TENM4: variants seen among roughly 807,000 people sequenced by gnomAD.
TENM4 encodes teneurin transmembrane protein 4, also known as teneurin-4.
In TENM4, 82 loss-of-function variants were observed where a neutral mutation model predicts 243.3. The ratio of observed to expected loss-of-function variants is 0.34; its 90% CI spans 0.28 to 0.40. TENM4 has a LOEUF of 0.40. TENM4 is among the 10% of genes least tolerant of loss of function. TENM4 has a pLI of 1.00. For missense variants in TENM4, 3,138 were observed against 3,673.3 expected (o/e 0.85, Z 3.77); for synonymous variants, 1,412 against 1,456.3 (o/e 0.97, Z 0.69).
At chr11:79,420,658 A>C (rs890016025) in intron 1 of TENM4, among the ~76,000 whole-genome samples, 1 of 152,056 alleles carries the variant, frequency 6.6e-6, no homozygotes, top group Non-Finnish European at 1.5e-5. Context: ...TATCAAACTT[A>C]TTTGGACACA....
At chr11:79,123,722 C>T (rs1194642809) in intron 4 of TENM4, among the ~76,000 whole-genome samples, 8 of 152,080 alleles carry the variant, frequency 5.3e-5, no homozygotes, top group African/African-American at 1.9e-4. Context: ...GCCCCATCCT[C>T]TCTCCTTCCT....
At chr11:78,705,256 G>A (rs369761861) in intron 27 of TENM4, among the ~76,000 whole-genome samples, 1 of 152,316 alleles carries the variant, frequency 6.6e-6, no homozygotes, top group African/African-American at 2.4e-5. Context: ...GTTCCTTGAT[G>A]GGAAGACTAG....
intron 7 of TENM4, among the ~76,000 whole-genome samples, chr11:78,894,248 C>G (rs1352982316): frequency 2.0e-5 from 3 of 152,178 alleles, no homozygotes; most frequent in South Asian, 4.1e-4. Context: ...CCCCCGGGAC[C>G]TGAGGCTGGC....
chr11:79,326,089 T>C (rs1856971173), intron 1 of TENM4, among the ~76,000 whole-genome samples: 1 of 152,206 alleles, frequency 6.6e-6, no homozygotes, highest in South Asian at 2.1e-4. Flanking sequence ...GAACATATTG[T>C]GGGGTAAGAG....
intron 2 of TENM4, among the ~76,000 whole-genome samples, chr11:79,236,806 C>T (rs1361317954): frequency 3.9e-5 from 6 of 152,136 alleles, no homozygotes; most frequent in South Asian, 2.1e-4. Flanking sequence ...TTGTAGAGGG[C>T]GGATGTTGTT....
intron 1 of TENM4, among the ~76,000 whole-genome samples, chr11:79,333,357 C>T (rs991777938): frequency 2.0e-5 from 3 of 152,182 alleles, no homozygotes; most frequent in South Asian, 4.1e-4. Flanking sequence ...TTGCCATCAT[C>T]TTCTTTTTTA....
chr11:78,704,383 G>C (rs1003583069), intron 27 of TENM4, among the ~76,000 whole-genome samples: 4 of 151,780 alleles, frequency 2.6e-5, no homozygotes, highest in African/African-American at 9.7e-5. Flanking sequence ...TCGTCTATAA[G>C]AGTGTTTTTA....
At chr11:78,954,522 C>T (rs571792256) in intron 6 of TENM4, among the ~76,000 whole-genome samples, 6 of 152,292 alleles carry the variant, frequency 3.9e-5, no homozygotes, top group African/African-American at 1.4e-4. Context: ...GTGTTTTCAC[C>T]ACCTATCAGT....
intron 1 of TENM4, among the ~76,000 whole-genome samples, chr11:79,405,824 T>C (rs929499350): frequency 4.0e-5 from 6 of 149,030 alleles, no homozygotes; most frequent in Non-Finnish European, 7.4e-5. Flanking sequence ...GTCCATCTAA[T>C]TTCTCTGAAT....
intron 6 of TENM4, among the ~76,000 whole-genome samples, chr11:78,988,664 C>T (rs1442799686): frequency 6.6e-6 from 1 of 152,136 alleles, no homozygotes; most frequent in Non-Finnish European, 1.5e-5. Flanking sequence ...TTGGTTTTCA[C>T]AATCCCCCCA....
chr11:79,394,092 C>T (rs777264430), intron 1 of TENM4, among the ~76,000 whole-genome samples: 39 of 152,176 alleles, frequency 2.6e-4, no homozygotes, highest in Non-Finnish European at 3.4e-4. Flanking sequence ...ACCTCACCTG[C>T]GGAAATGCCC....
rs370445962 is a variant in TENM4 at position 79,018,680 on chromosome 11, C to T, written c.493+46058G>A. Among the ~76,000 whole-genome samples, 24 of 152,270 alleles carry T rather than the reference C, an allele frequency of 1.6e-4. No homozygotes were observed. In the South Asian group the frequency reaches 2.3e-3, roughly 14 times the overall value. On this transcript the variant is annotated intron_variant, in intron 6 of 33. Coordinates refer to ENST00000278550, the MANE Select transcript of TENM4 (RefSeq NM_001098816.3). Reference sequence around the variant, plus strand: ...TTACTTCCCGGAGACCTCTCCCCCACGCTTATTTTCAGAATGGGTTTAATA... The same window carrying T: ...TTACTTCCCGGAGACCTCTCCCCCATGCTTATTTTCAGAATGGGTTTAATA...
At position 78,800,492 on chromosome 11, in the gene TENM4, G is replaced by A. The variant is rs632408; in HGVS notation, c.2179+4800C>T. Among the ~76,000 whole-genome samples, 690 of 152,274 alleles carry A rather than the reference G, an allele frequency of 4.5e-3. 1 individual carries two copies. The highest frequency in any genetic ancestry group is 8.1e-3 in the Non-Finnish European group (548 of 68,022). On this transcript the variant is annotated intron_variant, in intron 15 of 33. Coordinates refer to ENST00000278550, the MANE Select transcript of TENM4 (RefSeq NM_001098816.3). ...GAGTGGGAGGGAAGGGGTTTATGAG[G>A]AGGTGGGGAGGAGGTGGAGTCCTGA... is the stretch of plus-strand genomic sequence containing the variant.
intron 20 of TENM4, among the ~76,000 whole-genome samples, chr11:78,738,118 A>C (rs1189172164): frequency 6.6e-6 from 1 of 152,236 alleles, no homozygotes; most frequent in Non-Finnish European, 1.5e-5. Context: ...ACATAACAGG[A>C]ATGGCTGAGA....
chr11:79,081,531 GGTGGTGT>G (rs1485185828), intron 4 of TENM4, among the ~76,000 whole-genome samples: 1 of 121,044 alleles, frequency 8.3e-6, no homozygotes, highest in African/African-American at 3.4e-5. Flanking sequence ...TCCTGTCAGA[GGTGGTGT>G]GTGTGTGTGT....
At chr11:79,364,400 T>C (rs1857641618) in intron 1 of TENM4, among the ~76,000 whole-genome samples, 2 of 152,216 alleles carry the variant, frequency 1.3e-5, no homozygotes, top group Non-Finnish European at 2.9e-5. Flanking sequence ...TCTCACTATT[T>C]TTTCCCTGCC....
In TENM4 at chr11:79,302,759, C is replaced by T. The variant is rs1292795189; in HGVS notation, c.-320-5216G>A. Among the ~76,000 whole-genome samples, 3 of 152,178 alleles carry T rather than the reference C, an allele frequency of 2.0e-5. No homozygotes were observed. In the East Asian group the frequency reaches 5.8e-4, roughly 29 times the overall value. On this transcript the variant is annotated intron_variant, in intron 1 of 33. Transcript: ENST00000278550. ...ACTGAAATTGTATTTCCCCACTTTC[C>T]TATAGGGTCTCCAGGATGTAAGTCA... is the stretch of plus-strand genomic sequence containing the variant.
At chr11:79,396,652 T>C (rs557754452) in intron 1 of TENM4, among the ~76,000 whole-genome samples, 1 of 152,300 alleles carries the variant, frequency 6.6e-6, no homozygotes, top group African/African-American at 2.4e-5. Context: ...AGAGGCATAA[T>C]AGCGCTCCAG....
intron 17 of TENM4, among the ~76,000 whole-genome samples, chr11:78,777,865 A>T (rs1365266318): frequency 3.3e-5 from 5 of 152,194 alleles, no homozygotes; most frequent in Non-Finnish European, 7.4e-5. Flanking sequence ...ATATCTGATT[A>T]TTCTGAGACT....
Sources: gnomAD v4.1 joint callset for allele counts (sites outside exome capture counted in the v4.1 genomes callset) on GRCh38, gnomAD v4.1.1 for gene constraint, MANE v1.5 for transcripts, NCBI Gene and HGNC (gene_info 2026-07-23, HGNC 2026-07-21) for gene names.